ZNF106: variants seen among roughly 807,000 people sequenced by gnomAD.
The protein encoded by ZNF106 is SH3-domain binding protein 3.
In ZNF106, 67 loss-of-function variants were observed where a neutral mutation model predicts 195.1. That is an observed-to-expected ratio of 0.34 (90% CI 0.28 to 0.42). The LOEUF (loss-of-function observed/expected upper bound fraction) is 0.42. Among genes scored for constraint, ZNF106 ranks in the 10% least tolerant of loss-of-function variants. ZNF106 has a pLI of 1.00. For missense variants in ZNF106, 2,118 were observed against 2,304.5 expected, an observed-to-expected ratio of 0.92 and a Z score of 1.66; for synonymous variants, 784 against 818.6, an observed-to-expected ratio of 0.96 and a Z score of 0.72.
At position 42,415,701 on chromosome 15, in the gene ZNF106, G is replaced by C. The variant is rs185557643; in HGVS notation, c.*1603C>G. 18 of 181,502 alleles carry C rather than the reference G, an allele frequency of 9.9e-5. No individual in the cohort carries two copies. In the East Asian group the frequency reaches 2.9e-3, roughly 29 times the overall value. 11.2% of individuals were successfully genotyped at this position (181,502 alleles called of 1,614,324 possible). On this transcript the variant is annotated 3_prime_UTR_variant, in exon 22 of 22. Transcript: ENST00000564754. The stretch of plus-strand genomic sequence containing the variant: ...GTCCCAAAGCTTGGTATGTGGCCCT[G>C]GGCTCCTCCCCCAATTTTATCTCTC...
rs546093218 is a variant in ZNF106, at chr15:42,446,544, C to A, written c.3205+45G>T. Reference sequence around the variant, plus strand: ...AAAAACCCGCACCCCCCAAAAAAAACCAAAAAACACCAACTTCTTTCTTCC... The same window carrying A: ...AAAAACCCGCACCCCCCAAAAAAAAACAAAAAACACCAACTTCTTTCTTCC... On this transcript the variant is annotated intron_variant, in intron 7 of 21. Transcript: ENST00000564754. The A allele has an allele frequency of 1.4e-4, 220 of 1,532,358 alleles. 2 individuals carry two copies. Among genetic ancestry groups the A allele is most frequent in the African/African-American group, 1.3e-3 (91 of 72,390 alleles). The allele number at this position is 1,532,358 out of a possible 1,614,324, so 94.9% of individuals were successfully genotyped here.
intron 15 of ZNF106, among the ~76,000 whole-genome samples, chr15:42,426,898 G>A (rs564742821): frequency 1.3e-5 from 2 of 152,006 alleles, no homozygotes; most frequent in Admixed American, 6.6e-5. Context: ...GTATCATATC[G>A]AACAGACCAA....
At chr15:42,488,054 T>C (rs1176412882) in intron 1 of ZNF106, among the ~76,000 whole-genome samples, 1 of 152,214 alleles carries the variant, frequency 6.6e-6, no homozygotes, top group Admixed American at 6.5e-5. Flanking sequence ...ATACAATGCC[T>C]ACACATAACT....
At chr15:42,452,335 C>T (rs1460908145) in intron 4 of ZNF106, among the ~76,000 whole-genome samples, 3 of 151,782 alleles carry the variant, frequency 2.0e-5, no homozygotes, top group African/African-American at 7.3e-5. Context: ...CCAACATGGC[C>T]GACATGGAGA....
At chr15:42,480,037 T>C (rs570467780) in intron 1 of ZNF106, among the ~76,000 whole-genome samples, 1 of 152,176 alleles carries the variant, frequency 6.6e-6, no homozygotes, top group South Asian at 2.1e-4. Context: ...TTTGAACAGA[T>C]TGGGTCTCTT....
At position 42,442,069 on chromosome 15, in the gene ZNF106, A is replaced by T; in HGVS notation, c.3763+4T>A. 3 of 1,601,552 alleles carry T rather than the reference A, an allele frequency of 1.9e-6. No individual in the cohort carries two copies. Among genetic ancestry groups the T allele is most frequent in the Non-Finnish European group, 2.6e-6 (3 of 1,173,164 alleles). On this transcript the variant is annotated splice_donor_region_variant and intron_variant, in intron 10 of 21. Transcript: ENST00000564754. The stretch of plus-strand genomic sequence containing the variant: ...GCCCTTAACCCAGAGAAAAGCTTAC[A>T]TACTATTAGCTTCCAGTAATTCCTT...
Position 42,439,546 on chromosome 15 carries a change from G to A in ZNF106, c.4031C>T (p.Pro1344Leu), listed in dbSNP as rs759659069. 6.2e-7 allele frequency: 1 copy of A among 1,614,198 alleles called. No homozygotes were observed. Among genetic ancestry groups the A allele is most frequent in the Non-Finnish European group, 8.5e-7 (1 of 1,180,038 alleles). Reference sequence around the variant, plus strand: ...TGGAGAGTGGGGTTCCTTCTCCAAAGGGGTTTCTGAAGCAAAAGACAATCT... The same window carrying A: ...TGGAGAGTGGGGTTCCTTCTCCAAAAGGGTTTCTGAAGCAAAAGACAATCT... ...FLRLSFASET[P>L]LEKEPHSPAD... The change falls in exon 11 of 22, where the codon CCT (proline) becomes CTT (leucine). Residue 1344 changes from proline to leucine, a missense_variant. Pro to Leu is a moderately conservative substitution (Grantham distance 98, BLOSUM62 -3). Coordinates refer to ENST00000564754, the MANE Select transcript of ZNF106 (RefSeq NM_001366845.3).
At chr15:42,423,383 G>C (rs1020612879) in intron 17 of ZNF106, among the ~76,000 whole-genome samples, 2 of 149,552 alleles carry the variant, frequency 1.3e-5, no homozygotes, top group Non-Finnish European at 3.0e-5. Flanking sequence ...AAAAAAAAAA[G>C]AAAGAAAGAA....
chr15:42,478,506 CT>C (rs1259967996), intron 1 of ZNF106, among the ~76,000 whole-genome samples: 1 of 120,502 alleles, frequency 8.3e-6, no homozygotes, highest in Non-Finnish European at 1.7e-5. Flanking sequence ...CAGATGTCCT[CT>C]TTTTCTTTTT....
chr15:42,460,689 C>T (rs781641866), intron 3 of ZNF106, among the ~76,000 whole-genome samples: 3 of 152,048 alleles, frequency 2.0e-5, no homozygotes, highest in Non-Finnish European at 4.4e-5. Flanking sequence ...GGAGAAACCC[C>T]GTTTCTACTA....
In ZNF106 at chr15:42,489,088, A is replaced by C. The variant is rs1225331672; in HGVS notation, c.-33+1892T>G. On this transcript the variant is annotated intron_variant, in intron 1 of 21. Transcript: ENST00000564754. The stretch of plus-strand genomic sequence containing the variant: ...GCAAGGCTCTCTCTAAAAAAAAAAA[A>C]AAACAACACACACACACACACACAC... Among the ~76,000 whole-genome samples, 8 of 138,384 alleles carry C rather than the reference A, an allele frequency of 5.8e-5. No homozygotes were observed. The East Asian group carries it at 1.4e-3, about 24-fold the overall frequency. The allele number at this position is 138,384 out of a possible 152,430, so 90.8% of individuals were successfully genotyped here.
chr15:42,435,008 G>A (rs1206013408), intron 14 of ZNF106, among the ~76,000 whole-genome samples: 8 of 152,052 alleles, frequency 5.3e-5, no homozygotes, highest in Admixed American at 5.2e-4. Flanking sequence ...CCCAACCTCA[G>A]GTGAATCCAC....
At position 42,416,234 on chromosome 15, in the gene ZNF106, A is replaced by G. The variant is rs1566990629; in HGVS notation, c.*1070T>C. The G allele has an allele frequency of 6.6e-6, 1 of 152,204 alleles. No homozygotes were observed. Among genetic ancestry groups the G allele is most frequent in the Non-Finnish European group, 1.5e-5 (1 of 68,068 alleles). 9.4% of individuals were successfully genotyped at this position (152,204 alleles called of 1,614,324 possible). A position where few individuals can be genotyped will look rare whatever the true frequency, so the allele number is the denominator to read the frequency against. ...GTGAAGGCAAAGAACTGTCTCAGAA[A>G]CAAGTCTCTAGGAAGTCTGCTTGAG... is the stretch of plus-strand genomic sequence containing the variant. On this transcript the variant is annotated 3_prime_UTR_variant, in exon 22 of 22. Transcript: ENST00000564754.
At position 42,439,662 on chromosome 15, in the gene ZNF106, G is replaced by A; in HGVS notation, c.3915C>T (p.Ser1305=). The change falls in exon 11 of 22, where the codon TCC becomes TCT. Residue 1305 remains serine, a synonymous_variant. Coordinates refer to ENST00000564754, the MANE Select transcript of ZNF106 (RefSeq NM_001366845.3). ...TTATGCTAGAAAGACCAGCTGATTG[G>A]GAAGAGGGAGAGTTTTCTCTGTTTC... ...NTRNRENSPS[S]QSAGLSSINK... 1 of 1,613,974 alleles carries A rather than the reference G, an allele frequency of 6.2e-7. No homozygotes were observed. The highest frequency in any genetic ancestry group is 1.3e-5 in the African/African-American group (1 of 74,992).
chr15:42,471,876 A>C (rs1182262062), intron 2 of ZNF106, among the ~76,000 whole-genome samples: 2 of 152,268 alleles, frequency 1.3e-5, no homozygotes, highest in African/African-American at 4.8e-5. Context: ...ATCCTTAGCT[A>C]ATCAAAAAGT....
Position 42,444,866 on chromosome 15 carries a change from A to C in ZNF106, c.3321T>G (p.Ala1107=), listed in dbSNP as rs1363407379. The change falls in exon 8 of 22, where the codon GCT becomes GCG. Residue 1107 remains alanine, a synonymous_variant. Transcript: ENST00000564754. ...LLQARAALQT[A]YVEVQRLLML... ...TAAGTAGCCTCTGAACTTCCACATAAGCTGTCTGAAGGGCTGCACGGGCTT... is the reference window on the plus strand; with the variant it reads ...TAAGTAGCCTCTGAACTTCCACATACGCTGTCTGAAGGGCTGCACGGGCTT... 2.5e-6 allele frequency: 4 copies of C among 1,614,038 alleles called. No individual in the cohort carries two copies. The Admixed American group carries it at 6.7e-5, about 27-fold the overall frequency.
chr15:42,482,415 T>G (rs910879803), intron 1 of ZNF106, among the ~76,000 whole-genome samples: 9 of 152,032 alleles, frequency 5.9e-5, no homozygotes, highest in African/African-American at 2.2e-4. Context: ...TCCTTTATAT[T>G]CCTCCAAAGA....
At position 42,451,338 on chromosome 15, in the gene ZNF106, CAA is replaced by C. The variant is rs2056020906; in HGVS notation, c.932_933del (p.Leu311ArgfsTer7). Reference protein sequence around the residue: ...YNWQRQENDKLGTVATYRGPS... With the variant: ...YNWQRQENDKXGTVATYRGPS... ...GGACCTCTATATGTGGCAACTGTAC[CAA>C]GTTTGTCATTTTCTTGCCGCTGCCA... On this transcript the variant is annotated frameshift_variant, in exon 5 of 22. Transcript: ENST00000564754. LOFTEE classifies it high-confidence loss of function. 2 of 1,613,676 alleles carry C rather than the reference CAA, an allele frequency of 1.2e-6. No individual in the cohort carries two copies. Among genetic ancestry groups the C allele is most frequent in the African/African-American group, 1.3e-5 (1 of 74,880 alleles).
At chr15:42,490,820 C>T (rs1028130284) in intron 1 of ZNF106, among the ~76,000 whole-genome samples, 160 bp downstream of exon 1, 1 of 152,234 alleles carries the variant, frequency 6.6e-6, no homozygotes, top group African/African-American at 2.4e-5. Context: ...TAAACCCGCG[C>T]CGGCTCTGGG....
Sources: gnomAD v4.1 joint callset for allele counts (sites outside exome capture counted in the v4.1 genomes callset) on GRCh38, gnomAD v4.1.1 for gene constraint, MANE v1.5 for transcripts, NCBI Gene and HGNC (gene_info 2026-07-23, HGNC 2026-07-21) for gene names.